The following WDFY3 variants were observed in gnomAD, a reference collection of about 807,000 sequenced individuals.
The protein encoded by WDFY3 is WD repeat and FYVE domain-containing protein 3.
WDFY3 carries 66 observed loss-of-function variants against 409.6 expected under a neutral mutation model. The ratio of observed to expected loss-of-function variants is 0.16; its 90% CI spans 0.13 to 0.20. The LOEUF (loss-of-function observed/expected upper bound fraction) is 0.20. WDFY3 is among the 10% of genes least tolerant of loss of function. WDFY3 has a pLI of 1.00. For synonymous variants in WDFY3, 1,521 were observed against 1,537.1 expected, an observed-to-expected ratio of 0.99 and a Z score of 0.25; for missense variants, 3,031 against 4,298.1, an observed-to-expected ratio of 0.71 and a Z score of 8.24.
intron 3 of WDFY3, among the ~76,000 whole-genome samples, chr4:84,873,056 G>T (rs751446633): frequency 6.6e-6 from 1 of 152,122 alleles, no homozygotes; most frequent in Non-Finnish European, 1.5e-5. Context: ...GAACTGAAGG[G>T]AGAAAGAGAC....
chr4:84,932,385 A>C (rs932486366), intron 1 of WDFY3, 22 bp from the exon 2 acceptor site: 1 of 152,196 alleles, frequency 6.6e-6, no homozygotes, highest in Non-Finnish European at 1.5e-5. Flanking sequence ...AAGGAAAAGA[A>C]AACTCAGTTT....
Position 84,817,456 on chromosome 4 carries a change from G to C in WDFY3, c.1823C>G (p.Thr608Ser). The stretch of plus-strand genomic sequence containing the variant: ...GGCTGAATGCATTAGCCCCAGGAGA[G>C]TGCCCATGTCATCGTCCCCATTTGG... ...LSPNGDDDMG[T>S]LLGLMHSAPP... The change falls in exon 13 of 68, where the codon ACT (threonine) becomes AGT (serine). Residue 608 changes from threonine to serine, a missense_variant. By Grantham distance (58) the Thr-to-Ser change is moderately conservative (BLOSUM62 1). This residue lies in a region of WDFY3 where 1,322 missense variants were observed against 1,697.9 expected (regional missense o/e 0.78). Transcript: ENST00000295888. 6.2e-7 allele frequency: 1 copy of C among 1,613,816 alleles called. No individual in the cohort carries two copies. The highest frequency in any genetic ancestry group is 8.5e-7 in the Non-Finnish European group (1 of 1,179,796).
chr4:84,740,499 G>T, intron 38 of WDFY3, 83 bp from the exon 39 acceptor site: 1 of 1,329,112 alleles, frequency 7.5e-7, no homozygotes, highest in Non-Finnish European at 1.1e-6. Context: ...CTTTTATTAG[G>T]TCTATTATAT....
At position 84,806,033 on chromosome 4, in the gene WDFY3, C is replaced by G. The variant is rs116723620; in HGVS notation, c.2429+2301G>C. On this transcript the variant is annotated intron_variant, in intron 15 of 67. Coordinates refer to ENST00000295888, the MANE Select transcript of WDFY3 (RefSeq NM_014991.6). Reference sequence around the variant, plus strand: ...ACTACATGTCAGACAAGTATCACAACCTCAAAACGTCCTTAGCATCTGAGA... The same window carrying G: ...ACTACATGTCAGACAAGTATCACAAGCTCAAAACGTCCTTAGCATCTGAGA... Among the ~76,000 whole-genome samples the G allele has an allele frequency of 8.6e-3, 1,304 of 152,248 alleles. 15 individuals are homozygous for G. The highest frequency in any genetic ancestry group is 0.03 in the African/African-American group (1,232 of 41,546).
intron 7 of WDFY3, among the ~76,000 whole-genome samples, chr4:84,832,870 C>T (rs1490544103): frequency 1.3e-5 from 2 of 151,854 alleles, no homozygotes; most frequent in African/African-American, 2.4e-5. Flanking sequence ...TAGTTTGCCA[C>T]TGGCGAAATG....
At chr4:84,926,156 G>A (rs1769956958) in intron 2 of WDFY3, among the ~76,000 whole-genome samples, 1 of 139,836 alleles carries the variant, frequency 7.2e-6, no homozygotes, top group South Asian at 2.4e-4. Flanking sequence ...AGTGAGCCAA[G>A]ATCGCGCCAC....
chr4:84,834,561 A>C (rs1756286717), intron 7 of WDFY3, among the ~76,000 whole-genome samples: 1 of 152,084 alleles, frequency 6.6e-6, no homozygotes, highest in Non-Finnish European at 1.5e-5. Context: ...TGAGGCACAA[A>C]AATCGCTTGA....
intron 67 of WDFY3, among the ~76,000 whole-genome samples, chr4:84,675,740 G>C (rs1311511967): frequency 6.6e-6 from 1 of 152,048 alleles, no homozygotes; most frequent in East Asian, 1.9e-4. Context: ...CTGGAGTAAG[G>C]CAATATAAGC....
chr4:84,767,690 C>A (rs950398183), intron 30 of WDFY3, among the ~76,000 whole-genome samples: 1 of 151,758 alleles, frequency 6.6e-6, no homozygotes, highest in Non-Finnish European at 1.5e-5. Context: ...AGATAGAAGA[C>A]TAAATCATCT....
chr4:84,760,968 C>T (rs1742469986), intron 32 of WDFY3, among the ~76,000 whole-genome samples: 1 of 149,864 alleles, frequency 6.7e-6, no homozygotes, highest in African/African-American at 2.5e-5. Context: ...CCTCTACACA[C>T]TGCTTTGAAT....
At chr4:84,850,560 G>A (rs563568022) in intron 4 of WDFY3, among the ~76,000 whole-genome samples, 20 of 152,110 alleles carry the variant, frequency 1.3e-4, no homozygotes, top group African/African-American at 4.3e-4. Context: ...CTGGTGATCC[G>A]CCTGCCTCAG....
chr4:84,769,732 AT>A (rs1435725659), intron 30 of WDFY3, among the ~76,000 whole-genome samples: 2 of 151,798 alleles, frequency 1.3e-5, no homozygotes, highest in African/African-American at 2.4e-5. Context: ...TGCTTTTATT[AT>A]TTTTTTAATT....
intron 3 of WDFY3, among the ~76,000 whole-genome samples, chr4:84,883,121 C>T (rs886696473): frequency 5.9e-5 from 9 of 151,988 alleles, no homozygotes; most frequent in Non-Finnish European, 7.4e-5. Context: ...GAGGGGTAGA[C>T]GAAAAGGAGA....
At chr4:84,701,573 CT>C (rs1251273246) in intron 56 of WDFY3, among the ~76,000 whole-genome samples, 2 of 152,110 alleles carry the variant, frequency 1.3e-5, no homozygotes, top group Admixed American at 1.3e-4. Flanking sequence ...CAGGAATATT[CT>C]CACATGGAAA....
In WDFY3 at chr4:84,924,613, G is replaced by A. The variant is rs147706745; in HGVS notation, c.-132+7657C>T. 5.2e-3 allele frequency among the ~76,000 whole-genome samples: 797 copies of A among 152,262 alleles called. 8 individuals are homozygous for A. Among genetic ancestry groups the A allele is most frequent in the African/African-American group, 0.018 (751 of 41,572 alleles). On this transcript the variant is annotated intron_variant, in intron 2 of 67. Transcript: ENST00000295888. ...TTAAGTAGCCCAAGGTCACATGCTAGAAACCAGAAAAACCAGGCTTTAGAA... is the reference window on the plus strand; with the variant it reads ...TTAAGTAGCCCAAGGTCACATGCTAAAAACCAGAAAAACCAGGCTTTAGAA...
intron 5 of WDFY3, among the ~76,000 whole-genome samples, chr4:84,847,241 C>CA (rs999077836): frequency 2.0e-5 from 3 of 151,644 alleles, no homozygotes; most frequent in South Asian, 4.2e-4. Context: ...AAAAGATCAC[C>CA]AAAAAAACAG....
chr4:84,750,232 G>A (rs557839786), intron 36 of WDFY3, among the ~76,000 whole-genome samples: 9 of 152,192 alleles, frequency 5.9e-5, no homozygotes, highest in East Asian at 3.9e-4. Flanking sequence ...AAGGGGAGAC[G>A]TTCCATTGGG....
At chr4:84,867,620 A>C (rs1761568177) in intron 3 of WDFY3, among the ~76,000 whole-genome samples, 1 of 152,194 alleles carries the variant, frequency 6.6e-6, no homozygotes, top group Non-Finnish European at 1.5e-5. Context: ...ACCACTTTAA[A>C]CTTGCTCACC....
At chr4:84,888,874 T>C (rs1315220054) in intron 3 of WDFY3, among the ~76,000 whole-genome samples, 1 of 152,016 alleles carries the variant, frequency 6.6e-6, no homozygotes. Flanking sequence ...ATAAAGCTTG[T>C]CAGTATATCA....
Sources: gnomAD v4.1 joint callset for allele counts (sites outside exome capture counted in the v4.1 genomes callset) on GRCh38, gnomAD v4.1.1 for gene constraint, gnomAD v4.1.1 regional missense constraint, MANE v1.5 for transcripts, NCBI Gene and HGNC (gene_info 2026-07-23, HGNC 2026-07-21) for gene names.